ZC3H12B: variants seen among roughly 807,000 people sequenced by gnomAD.
The protein encoded by ZC3H12B is zinc finger CCCH-type containing 12B.
In ZC3H12B, 7 loss-of-function variants were observed where a neutral mutation model predicts 43.9. The ratio of observed to expected loss-of-function variants is 0.16; its 90% CI spans 0.09 to 0.30. The LOEUF is 0.30. ZC3H12B is among the 10% of genes least tolerant of loss of function. ZC3H12B has a pLI of 1.00. For missense variants in ZC3H12B, 475 were observed against 670.2 expected (o/e 0.71, Z 3.22); for synonymous variants, 222 against 241.7 (o/e 0.92, Z 0.76).
intron 3 of ZC3H12B, among the ~76,000 whole-genome samples, chrX:65,457,413 T>A (rs75270094): frequency 1.7e-5 from 1 of 57,967 alleles, no homozygotes; most frequent in African/African-American, 8.6e-5. Flanking sequence ...CCCCTCTGCC[T>A]GGCCGGCCGC....
chrX:65,058,544 G>T, the ZC3H12B span, among the ~76,000 whole-genome samples: 1 of 111,313 alleles, frequency 9.0e-6, no homozygotes, highest in African/African-American at 3.3e-5. Context: ...TGAGGAGGCA[G>T]TCTGTCTGTT....
chrX:65,489,903 C>T (rs1469418368), intron 1 of ZC3H12B, among the ~76,000 whole-genome samples: 1 of 111,852 alleles, frequency 8.9e-6, no homozygotes, highest in Non-Finnish European at 1.9e-5. Context: ...ATCTCTTTAA[C>T]AGTCTCCATG....
the ZC3H12B span, among the ~76,000 whole-genome samples, chrX:65,278,177 A>T: frequency 8.9e-6 from 1 of 111,907 alleles, no homozygotes; most frequent in Non-Finnish European, 1.9e-5. Flanking sequence ...TTGAAAAACT[A>T]GAGGAAATGG....
the ZC3H12B span, among the ~76,000 whole-genome samples, chrX:65,186,837 A>G: frequency 8.9e-6 from 1 of 111,994 alleles, no homozygotes; most frequent in Non-Finnish European, 1.9e-5. Flanking sequence ...CTCCAATTCA[A>G]TGCAGGTTGC....
the ZC3H12B span, among the ~76,000 whole-genome samples, chrX:65,277,493 A>G: frequency 8.9e-6 from 1 of 112,111 alleles, no homozygotes; most frequent in African/African-American, 3.2e-5. Flanking sequence ...AAAAAATTTA[A>G]AAAATCAAAA....
At chrX:65,415,473 G>T (rs1016257645) in intron 3 of ZC3H12B, among the ~76,000 whole-genome samples, 1 of 112,450 alleles carries the variant, frequency 8.9e-6, no homozygotes, top group African/African-American at 3.2e-5. Context: ...TCTATTATGT[G>T]ATACTCTAGT....
chrX:65,054,943 C>T, the ZC3H12B span, among the ~76,000 whole-genome samples: 5 of 111,578 alleles, frequency 4.5e-5, no homozygotes, highest in East Asian at 1.4e-3. Context: ...ATTTTGTATC[C>T]TGAGACTGCT....
At chrX:65,378,720 C>A (rs2066386115) in intron 2 of ZC3H12B, among the ~76,000 whole-genome samples, 1 of 112,265 alleles carries the variant, frequency 8.9e-6, no homozygotes, top group African/African-American at 3.2e-5. Flanking sequence ...TAGGGAGTGC[C>A]AGACAGTGGG....
the ZC3H12B span, among the ~76,000 whole-genome samples, chrX:65,076,148 T>C: frequency 9.0e-6 from 1 of 110,847 alleles, no homozygotes; most frequent in African/African-American, 3.3e-5. Context: ...TGTTTCTTCT[T>C]CTCTTCTTTC....
the ZC3H12B span, among the ~76,000 whole-genome samples, chrX:65,083,680 C>T: frequency 1.8e-5 from 2 of 111,581 alleles, no homozygotes; most frequent in Non-Finnish European, 3.8e-5. Flanking sequence ...CCATACTACT[C>T]CCAGTACTCT....
At chrX:65,097,756 T>C in the ZC3H12B span, among the ~76,000 whole-genome samples, 266 of 112,041 alleles carry the variant, frequency 2.4e-3, 6 homozygotes, top group Admixed American at 0.024. Flanking sequence ...TGATAGTGTA[T>C]TTTAAAAAGA....
the ZC3H12B span, among the ~76,000 whole-genome samples, chrX:65,087,502 A>C: frequency 2.7e-5 from 3 of 112,027 alleles, no homozygotes; most frequent in African/African-American, 9.7e-5. Context: ...ATCTAAACTG[A>C]ATAAAGACAT....
chrX:65,145,107 C>T, the ZC3H12B span, among the ~76,000 whole-genome samples: 3 of 111,180 alleles, frequency 2.7e-5, 1 homozygote, highest in African/African-American at 6.5e-5. Context: ...TGTCTAATTT[C>T]TTAGGTCTAC....
chrX:65,439,682 T>C (rs1366100939), intron 3 of ZC3H12B, among the ~76,000 whole-genome samples: 1 of 112,154 alleles, frequency 8.9e-6, no homozygotes, highest in Non-Finnish European at 1.9e-5. Context: ...GGAATACTCA[T>C]GGCAGTGGTG....
intron 2 of ZC3H12B, among the ~76,000 whole-genome samples, chrX:65,383,734 A>T (rs2066478729): frequency 9.0e-6 from 1 of 111,518 alleles, no homozygotes; most frequent in Non-Finnish European, 1.9e-5. Flanking sequence ...CAGAATCTAC[A>T]ATGAACTCAA....
At chrX:65,418,302 T>G (rs1336001358) in intron 3 of ZC3H12B, among the ~76,000 whole-genome samples, 2 of 111,570 alleles carry the variant, frequency 1.8e-5, no homozygotes, top group East Asian at 5.6e-4. Flanking sequence ...AATGGAGGAA[T>G]TTGAGATACA....
chrX:65,491,206 C>A (rs1336688455), intron 1 of ZC3H12B, among the ~76,000 whole-genome samples: 1 of 111,814 alleles, frequency 8.9e-6, no homozygotes, highest in Non-Finnish European at 1.9e-5. Context: ...GTGCCAGATT[C>A]TTTTACGTAT....
At chrX:65,404,862 G>C (rs1263573144) in intron 3 of ZC3H12B, among the ~76,000 whole-genome samples, 1 of 111,912 alleles carries the variant, frequency 8.9e-6, no homozygotes, top group Non-Finnish European at 1.9e-5. Context: ...GAATCTAATA[G>C]ATACTTACAG....
chrX:65,268,475 C>G, the ZC3H12B span, among the ~76,000 whole-genome samples: 1 of 111,827 alleles, frequency 8.9e-6, no homozygotes, highest in Non-Finnish European at 1.9e-5. Context: ...AAACTGCAAG[C>G]CAATATATTT....
Sources: allele counts gnomAD v4.1 joint callset (sites outside exome capture counted in the v4.1 genomes callset), GRCh38; gene constraint gnomAD v4.1.1; transcripts MANE v1.5; gene names NCBI Gene and HGNC (gene_info 2026-07-23, HGNC 2026-07-21).